EPB41: variants seen among roughly 807,000 people sequenced by gnomAD.
EPB41 encodes erythrocyte membrane protein band 4.1.
Under a neutral mutation model 108.0 loss-of-function variants are expected in EPB41, and 65 were observed. That is an observed-to-expected ratio of 0.60 (90% confidence interval 0.49 to 0.74). The LOEUF is 0.74. EPB41 is among the 30% of genes least tolerant of loss of function. The pLI, the probability that EPB41 is intolerant of heterozygous loss-of-function variation, is 0.00. For missense variants in EPB41, 875 were observed against 1,037.0 expected (o/e 0.84, Z 2.15); for synonymous variants, 336 against 358.9 (o/e 0.94, Z 0.72).
chr1:29,105,743 C>T (rs12727712), intron 17 of EPB41, among the ~76,000 whole-genome samples: 53 of 91,058 alleles, frequency 5.8e-4, no homozygotes, highest in Middle Eastern at 9.3e-3. Context: ...ATGTACAGAT[C>T]TTTTTTTTTT....
chr1:29,030,859 G>A (rs1225147546), intron 8 of EPB41, among the ~76,000 whole-genome samples: 1 of 151,686 alleles, frequency 6.6e-6, no homozygotes, highest in African/African-American at 2.4e-5. Context: ...GCCTTGCTCT[G>A]TCTCCCAGGC....
intron 1 of EPB41, among the ~76,000 whole-genome samples, chr1:28,919,126 C>G (rs368856191): frequency 4.1e-4 from 62 of 152,262 alleles, no homozygotes; most frequent in African/African-American, 1.4e-3. Context: ...TTAGAACTAC[C>G]CACCTTACTG....
chr1:28,995,219 T>C (rs192658847), intron 3 of EPB41, among the ~76,000 whole-genome samples: 2 of 152,108 alleles, frequency 1.3e-5, no homozygotes, highest in African/African-American at 4.8e-5. Flanking sequence ...AAGATCCAGA[T>C]ATGGATCTCT....
At chr1:29,058,784 TTTC>T (rs1645997356) in intron 13 of EPB41, 24 bp from the exon 14 acceptor site, 1 of 1,539,206 alleles carries the variant, frequency 6.5e-7, no homozygotes, top group African/African-American at 1.4e-5. Context: ...ATCATTTTTC[TTTC>T]TTTTTTAAAT....
At chr1:28,934,688 G>GTGTGTGTGTGTA (rs1337832468) in intron 1 of EPB41, among the ~76,000 whole-genome samples, 4 of 151,450 alleles carry the variant, frequency 2.6e-5, no homozygotes, top group African/African-American at 9.7e-5. Flanking sequence ...GTGTGTGTGT[G>GTGTGTGTGTGTA]TGTGTGTGTG....
intron 17 of EPB41, among the ~76,000 whole-genome samples, chr1:29,106,005 C>T (rs1198698841): frequency 1.3e-5 from 2 of 152,124 alleles, no homozygotes; most frequent in Admixed American, 6.6e-5. Flanking sequence ...CTGCCTCGGC[C>T]TCCCACAGTG....
At chr1:29,107,885 C>T (rs1048447294) in intron 17 of EPB41, among the ~76,000 whole-genome samples, 5 of 148,942 alleles carry the variant, frequency 3.4e-5, no homozygotes, top group African/African-American at 9.9e-5. Flanking sequence ...AAAAATTAGC[C>T]GGGCGTGGTG....
chr1:29,051,088 G>GTTTTTTTTTTTTTTTTT (rs71586885), intron 11 of EPB41, among the ~76,000 whole-genome samples: 1 of 51,576 alleles, frequency 1.9e-5, no homozygotes, highest in Non-Finnish European at 3.2e-5. Context: ...TTCTTTTTCT[G>GTTTTTTTTTTTTTTTTT]TTTTTTTTTT....
At chr1:29,112,911 A>G (rs920310736) in intron 19 of EPB41, among the ~76,000 whole-genome samples, 1 of 152,224 alleles carries the variant, frequency 6.6e-6, no homozygotes, top group African/African-American at 2.4e-5. Context: ...AAAGGGAAGC[A>G]TGCCCCTACC....
chr1:29,111,314 G>A (rs1669067073), intron 18 of EPB41, among the ~76,000 whole-genome samples: 1 of 152,152 alleles, frequency 6.6e-6, no homozygotes, highest in Non-Finnish European at 1.5e-5. Context: ...GGAAGAAAAA[G>A]GAGAAAGTAA....
intron 1 of EPB41, among the ~76,000 whole-genome samples, chr1:28,950,311 A>G (rs770046597): frequency 1.3e-5 from 2 of 152,268 alleles, no homozygotes; most frequent in African/African-American, 2.4e-5. Context: ...AAGAAGCCAC[A>G]TAGATAGCAA....
chr1:28,914,191 C>A (rs984263442), upstream of EPB41, among the ~76,000 whole-genome samples: 2 of 152,208 alleles, frequency 1.3e-5, no homozygotes, highest in Admixed American at 6.5e-5. Context: ...GCTTCCAAAT[C>A]TCGGCCTCTT....
chr1:29,088,968 A>G (rs531348865), intron 16 of EPB41, among the ~76,000 whole-genome samples: 1 of 152,198 alleles, frequency 6.6e-6, no homozygotes, highest in Admixed American at 6.6e-5. Context: ...ATACATAAGT[A>G]AAATAAATAG....
chr1:28,956,771 G>A (rs906612823), intron 1 of EPB41, among the ~76,000 whole-genome samples: 2 of 152,156 alleles, frequency 1.3e-5, no homozygotes, highest in Non-Finnish European at 2.9e-5. Flanking sequence ...TACTGTGGGA[G>A]ATACAGATAT....
intron 16 of EPB41, among the ~76,000 whole-genome samples, chr1:29,084,003 C>G (rs1413021128): frequency 7.2e-6 from 1 of 138,756 alleles, no homozygotes; most frequent in African/African-American, 2.7e-5. Flanking sequence ...AGTTAAGAAC[C>G]AGGAGCTGGA....
intron 14 of EPB41, among the ~76,000 whole-genome samples, chr1:29,059,581 G>C (rs1414655147): frequency 6.6e-6 from 1 of 151,956 alleles, no homozygotes; most frequent in East Asian, 1.9e-4. Context: ...TTCAAGACCA[G>C]CCTGGGCAAC....
chr1:28,925,119 C>A (rs1235124550), intron 1 of EPB41, among the ~76,000 whole-genome samples: 2 of 152,164 alleles, frequency 1.3e-5, no homozygotes, highest in Non-Finnish European at 2.9e-5. Context: ...GCACCCACCA[C>A]CATGCCCGGC....
chr1:29,052,886 A>T lies in EPB41; in HGVS notation c.1637-218A>T, dbSNP rs78624979. Among the ~76,000 whole-genome samples the T allele has an allele frequency of 5.3e-4, 80 of 152,220 alleles. No individual in the cohort carries two copies. The East Asian group carries it at 0.014, about 26-fold the overall frequency. ...ATTCATGGAACATGATCATTAACAC[A>T]TTTTAGCCTTTCTACTGAGGGTACA... On this transcript the variant is annotated intron_variant, in intron 11 of 20. Coordinates refer to ENST00000343067, the MANE Select transcript of EPB41 (RefSeq NM_001376013.1).
At chr1:29,088,959 T>A (rs1660240188) in intron 16 of EPB41, among the ~76,000 whole-genome samples, 1 of 152,100 alleles carries the variant, frequency 6.6e-6, no homozygotes, top group South Asian at 2.1e-4. Context: ...AATAAATATA[T>A]ACATAAGTAA....
Sources: allele counts gnomAD v4.1 joint callset (sites outside exome capture counted in the v4.1 genomes callset), GRCh38; gene constraint gnomAD v4.1.1; transcripts MANE v1.5; gene names NCBI Gene and HGNC (gene_info 2026-07-23, HGNC 2026-07-21).